Variants in SLC9A9 observed in about 807,000 individuals in gnomAD.
SLC9A9 encodes the protein sodium/hydrogen exchanger 9.
Under a neutral mutation model 77.8 loss-of-function variants are expected in SLC9A9, and 62 were observed. The ratio of observed to expected loss-of-function variants is 0.80; its 90% CI spans 0.65 to 0.98. SLC9A9 has a LOEUF of 0.98. SLC9A9 is among the 50% of genes least tolerant of loss of function. SLC9A9 has a pLI of 0.00. For missense variants in SLC9A9, 775 were observed against 774.9 expected, an observed-to-expected ratio of 1.00 and a Z score of 0.00; for synonymous variants, 320 against 283.5, an observed-to-expected ratio of 1.13 and a Z score of -1.29.
At chr3:143,309,142 C>T (rs1348205413) in intron 14 of SLC9A9, among the ~76,000 whole-genome samples, 1 of 152,130 alleles carries the variant, frequency 6.6e-6, no homozygotes, top group African/African-American at 2.4e-5. Context: ...CTACTTCCAA[C>T]CCTAAATACA....
chr3:143,475,839 A>C (rs576340173), intron 11 of SLC9A9, among the ~76,000 whole-genome samples: 1 of 141,144 alleles, frequency 7.1e-6, no homozygotes, highest in Admixed American at 6.9e-5. Flanking sequence ...AATGAGCAGT[A>C]GATGGACAGG....
Position 143,590,954 on chromosome 3 carries a change from G to C in SLC9A9, c.756-12231C>G, listed in dbSNP as rs191431580. 1.6e-4 allele frequency among the ~76,000 whole-genome samples: 24 copies of C among 152,326 alleles called. No individual in the cohort carries two copies. In the East Asian group the frequency reaches 4.6e-3, roughly 29 times the overall value. Reference sequence around the variant, plus strand: ...TGCTGTGTGCTGAGGACTGTGATGAGTGGCTGAATAAAATGCTAGTTTCCT... The same window carrying C: ...TGCTGTGTGCTGAGGACTGTGATGACTGGCTGAATAAAATGCTAGTTTCCT... On this transcript the variant is annotated intron_variant, in intron 6 of 15. Transcript: ENST00000316549.
chr3:143,539,860 C>T, intron 9 of SLC9A9, among the ~76,000 whole-genome samples: 1 of 147,616 alleles, frequency 6.8e-6, no homozygotes, highest in East Asian at 2.0e-4. Flanking sequence ...TTTTTGTTTT[C>T]TAAAAGTGAA....
intron 12 of SLC9A9, among the ~76,000 whole-genome samples, chr3:143,420,642 G>T (rs1387061075): frequency 1.3e-5 from 2 of 152,144 alleles, no homozygotes; most frequent in African/African-American, 4.8e-5. Flanking sequence ...TGAGAAGAAA[G>T]GTGAGGGAAA....
chr3:143,401,684 G>A (rs1371041899), intron 12 of SLC9A9, among the ~76,000 whole-genome samples: 1 of 152,146 alleles, frequency 6.6e-6, no homozygotes, highest in Non-Finnish European at 1.5e-5. Context: ...GACATAGACT[G>A]TTCCTATTCC....
chr3:143,755,805 T>C (rs2006904556), intron 4 of SLC9A9, among the ~76,000 whole-genome samples: 1 of 152,258 alleles, frequency 6.6e-6, no homozygotes, highest in Admixed American at 6.5e-5. Flanking sequence ...ATATATTCTA[T>C]TATAGATATG....
At chr3:143,564,989 A>T (rs1267134468) in intron 8 of SLC9A9, among the ~76,000 whole-genome samples, 5 of 152,144 alleles carry the variant, frequency 3.3e-5, no homozygotes, top group Non-Finnish European at 5.9e-5. Context: ...GGTGTTCATT[A>T]GGCTTACCCT....
intron 5 of SLC9A9, among the ~76,000 whole-genome samples, chr3:143,663,981 G>T (rs948850177): frequency 6.6e-6 from 1 of 151,920 alleles, no homozygotes; most frequent in South Asian, 2.1e-4. Context: ...TACAGAGAAC[G>T]CCACAAAGAT....
chr3:143,334,951 G>A (rs1023769968), intron 14 of SLC9A9, among the ~76,000 whole-genome samples: 1 of 127,548 alleles, frequency 7.8e-6, no homozygotes, highest in African/African-American at 3.3e-5. Context: ...CCTAGCCAGA[G>A]ATAATAGGCA....
intron 9 of SLC9A9, among the ~76,000 whole-genome samples, chr3:143,545,314 G>A (rs1183814496): frequency 6.6e-6 from 1 of 152,118 alleles, no homozygotes; most frequent in African/African-American, 2.4e-5. Context: ...CAGTTCTCTG[G>A]TTTCCATGAC....
At chr3:143,350,310 G>A (rs1033068715) in intron 14 of SLC9A9, among the ~76,000 whole-genome samples, 3 of 152,078 alleles carry the variant, frequency 2.0e-5, no homozygotes, top group Non-Finnish European at 4.4e-5. Flanking sequence ...CCATAATTGA[G>A]GCCCCCGTGA....
At chr3:143,670,486 T>C (rs2039139882) in intron 5 of SLC9A9, among the ~76,000 whole-genome samples, 1 of 152,154 alleles carries the variant, frequency 6.6e-6, no homozygotes, top group Non-Finnish European at 1.5e-5. Flanking sequence ...ACTCTAAGGG[T>C]TACCAAGACA....
At chr3:143,363,965 T>C (rs188608058) in intron 13 of SLC9A9, among the ~76,000 whole-genome samples, 2 of 152,350 alleles carry the variant, frequency 1.3e-5, no homozygotes, top group Admixed American at 1.3e-4. Flanking sequence ...ATAAGTGTTA[T>C]GCTATATTTT....
Position 143,814,259 on chromosome 3 carries a change from C to T in SLC9A9, c.379-17356G>A, listed in dbSNP as rs570721321. The stretch of plus-strand genomic sequence containing the variant: ...GCTCACTAAGTTGGAGGTGCCTGTA[C>T]GTCACTCAGAAATATGTGCCTGGTG... On this transcript the variant is annotated intron_variant, in intron 2 of 15. Transcript: ENST00000316549. Among the ~76,000 whole-genome samples, 402 of 152,178 alleles carry T rather than the reference C, an allele frequency of 2.6e-3. 3 individuals carry two copies. Among genetic ancestry groups the T allele is most frequent in the African/African-American group, 8.9e-3 (371 of 41,518 alleles).
intron 6 of SLC9A9, among the ~76,000 whole-genome samples, chr3:143,647,802 C>A (rs1299392947): frequency 6.6e-6 from 1 of 152,052 alleles, no homozygotes; most frequent in Non-Finnish European, 1.5e-5. Flanking sequence ...GTTGTGAGCA[C>A]CTTTATAACT....
chr3:143,650,864 A>T (rs1234367867), intron 6 of SLC9A9, among the ~76,000 whole-genome samples: 1 of 152,226 alleles, frequency 6.6e-6, no homozygotes, highest in Non-Finnish European at 1.5e-5. Flanking sequence ...AAATGCTCCC[A>T]GGTTGGTGCT....
At chr3:143,713,162 G>T (rs565429505) in intron 4 of SLC9A9, among the ~76,000 whole-genome samples, 1 of 152,318 alleles carries the variant, frequency 6.6e-6, no homozygotes, top group South Asian at 2.1e-4. Context: ...GATGAAAAGA[G>T]AAGGCAGATT....
intron 9 of SLC9A9, among the ~76,000 whole-genome samples, chr3:143,549,543 G>A (rs2036845465): frequency 6.6e-6 from 1 of 152,140 alleles, no homozygotes; most frequent in Non-Finnish European, 1.5e-5. Flanking sequence ...ACAAAGATGG[G>A]GATATGCAGT....
At chr3:143,534,309 A>C (rs2036556598) in intron 9 of SLC9A9, among the ~76,000 whole-genome samples, 1 of 152,252 alleles carries the variant, frequency 6.6e-6, no homozygotes, top group African/African-American at 2.4e-5. Context: ...AAATCAAATC[A>C]ATTCTCTGTT....
Sources: gnomAD v4.1 joint callset for allele counts (sites outside exome capture counted in the v4.1 genomes callset) on GRCh38, gnomAD v4.1.1 for gene constraint, MANE v1.5 for transcripts, NCBI Gene and HGNC (gene_info 2026-07-23, HGNC 2026-07-21) for gene names.